KCNN2: variants seen among roughly 807,000 people sequenced by gnomAD.
KCNN2 encodes potassium calcium-activated channel subfamily N member 2.
Under a neutral mutation model 55.5 loss-of-function variants are expected in KCNN2, and 24 were observed. The ratio of observed to expected loss-of-function variants is 0.43; its 90% CI spans 0.31 to 0.61. The LOEUF (loss-of-function observed/expected upper bound fraction) is 0.61, where lower values mean the gene tolerates loss of function less well. Ranked by LOEUF, KCNN2 falls within the 20% of genes least tolerant of loss-of-function variation. KCNN2 has a pLI of 0.08. For synonymous variants in KCNN2, 431 were observed against 336.1 expected, an observed-to-expected ratio of 1.28 and a Z score of -3.09; for missense variants, 754 against 853.6, an observed-to-expected ratio of 0.88 and a Z score of 1.45.
chr5:114,397,602 G>A (rs1758658404), intron 2 of KCNN2, among the ~76,000 whole-genome samples: 2 of 152,136 alleles, frequency 1.3e-5, no homozygotes, highest in South Asian at 4.1e-4. Context: ...GGCCAGGCTG[G>A]TCTTGAACTC....
At chr5:114,457,069 C>T (rs1760957990) in intron 3 of KCNN2, among the ~76,000 whole-genome samples, 1 of 152,126 alleles carries the variant, frequency 6.6e-6, no homozygotes, top group Non-Finnish European at 1.5e-5. Context: ...GAAAGAAGTT[C>T]TATGGGTAAA....
At position 114,175,332 on chromosome 5, in the gene KCNN2, T is replaced by G. The variant is rs541852015; in HGVS notation, c.-270-46148T>G. Among the ~76,000 whole-genome samples the G allele has an allele frequency of 2.5e-3, 381 of 152,300 alleles. 3 individuals carry two copies. The highest frequency in any genetic ancestry group is 9.1e-3 in the African/African-American group (377 of 41,570). ...ATAACTATATATAAAGACTTTGAAT[T>G]TCTGCAACATTAAGTTGTGCTCTTT... On this transcript the variant is annotated intron_variant, in intron 1 of 10. Coordinates refer to the KCNN2 transcript ENST00000512097.
At chr5:114,459,799 C>T (rs774477843) in intron 3 of KCNN2, among the ~76,000 whole-genome samples, 11 of 152,180 alleles carry the variant, frequency 7.2e-5, no homozygotes, top group Non-Finnish European at 1.2e-4. Context: ...ATTTAAAGCT[C>T]TTCAATACAG....
intron 1 of KCNN2, among the ~76,000 whole-genome samples, chr5:114,126,351 C>T (rs1751929872): frequency 2.0e-5 from 3 of 152,056 alleles, no homozygotes; most frequent in Admixed American, 2.0e-4. Context: ...CTGGGGAGGC[C>T]TCAGGAAACT....
chr5:114,339,235 G>A lies in KCNN2; in HGVS notation c.-184-21710G>A, dbSNP rs367664554. Reference sequence around the variant, plus strand: ...GTTGTGGCCCTCTACTACCATGTTCGTGAAGGCTGAGGTCTTGTCCACACA... The same window carrying A: ...GTTGTGGCCCTCTACTACCATGTTCATGAAGGCTGAGGTCTTGTCCACACA... On this transcript the variant is annotated intron_variant, in intron 2 of 10. Transcript: ENST00000512097. Among the ~76,000 whole-genome samples the A allele has an allele frequency of 1.7e-4, 26 of 152,290 alleles. 1 individual carries two copies. Among genetic ancestry groups the A allele is most frequent in the Admixed American group, 9.1e-4 (14 of 15,302 alleles).
chr5:114,275,878 A>G (rs1580684280), intron 2 of KCNN2, among the ~76,000 whole-genome samples: 1 of 151,430 alleles, frequency 6.6e-6, no homozygotes, highest in African/African-American at 2.4e-5. Flanking sequence ...TAGCTTTTGA[A>G]TTTGTTTGCT....
intron 3 of KCNN2, among the ~76,000 whole-genome samples, chr5:114,423,863 A>C (rs188912589): frequency 6.6e-6 from 1 of 152,314 alleles, no homozygotes; most frequent in Non-Finnish European, 1.5e-5. Context: ...AAGGCCAAAA[A>C]GTGAGGCAGG....
At chr5:114,443,463 G>GAA in intron 3 of KCNN2, among the ~76,000 whole-genome samples, 1 of 152,182 alleles carries the variant, frequency 6.6e-6, no homozygotes, top group South Asian at 2.1e-4. Flanking sequence ...AAGAACTTTA[G>GAA]AATCATTAGG....
intron 2 of KCNN2, among the ~76,000 whole-genome samples, chr5:114,400,798 C>G (rs2150069078): frequency 6.6e-6 from 1 of 152,280 alleles, no homozygotes; most frequent in South Asian, 2.1e-4. Context: ...TGGCTTTTCT[C>G]TTAATCCAGA....
At chr5:114,296,522 C>G (rs149623919) in intron 2 of KCNN2, among the ~76,000 whole-genome samples, 363 of 152,242 alleles carry the variant, frequency 2.4e-3, no homozygotes, top group African/African-American at 8.4e-3. Context: ...GTAGAAATGG[C>G]CTTGGGTAAC....
At chr5:114,418,017 A>G (rs1288928798) in intron 3 of KCNN2, among the ~76,000 whole-genome samples, 1 of 152,168 alleles carries the variant, frequency 6.6e-6, no homozygotes, top group Non-Finnish European at 1.5e-5. Context: ...TTCTGCACAG[A>G]TGTGTACCTA....
intron 1 of KCNN2, among the ~76,000 whole-genome samples, chr5:114,123,342 A>G (rs1211470796): frequency 1.6e-5 from 2 of 121,642 alleles, no homozygotes; most frequent in African/African-American, 3.4e-5. Flanking sequence ...TAAGAGGTAC[A>G]TTTTCTTAAT....
intron 2 of KCNN2, among the ~76,000 whole-genome samples, chr5:114,329,970 A>T (rs376802722): frequency 6.6e-6 from 1 of 151,884 alleles, no homozygotes; most frequent in African/African-American, 2.4e-5. Context: ...CCCCCAGGAG[A>T]GCACCACCCT....
intron 2 of KCNN2, chr5:114,253,554 G>A (rs1293582822): frequency 1.9e-5 from 3 of 155,154 alleles, no homozygotes; most frequent in African/African-American, 7.2e-5. Context: ...TGAGTGCCAG[G>A]GTTGATTCAG....
intron 4 of KCNN2, among the ~76,000 whole-genome samples, chr5:114,466,140 C>CTAAT (rs1434558749): frequency 6.6e-6 from 1 of 151,818 alleles, no homozygotes; most frequent in African/African-American, 2.4e-5. Flanking sequence ...ATGAGATTGC[C>CTAAT]TAATAGAAGA....
chr5:114,352,881 T>C (rs572463201), intron 2 of KCNN2, among the ~76,000 whole-genome samples: 1 of 151,998 alleles, frequency 6.6e-6, no homozygotes, highest in Middle Eastern at 3.4e-3. Flanking sequence ...AGGAGAATGT[T>C]CTGTAAATGT....
intron 2 of KCNN2, among the ~76,000 whole-genome samples, chr5:114,281,940 A>G (rs1483658592): frequency 6.6e-6 from 1 of 151,686 alleles, no homozygotes; most frequent in Non-Finnish European, 1.5e-5. Context: ...CTGGAAAGTC[A>G]CCCATTACTT....
At chr5:114,079,357 T>G (rs1358342727) in intron 1 of KCNN2, among the ~76,000 whole-genome samples, 1 of 151,966 alleles carries the variant, frequency 6.6e-6, no homozygotes, top group Non-Finnish European at 1.5e-5. Flanking sequence ...ATGAAAAAAA[T>G]AGACATCAGT....
At chr5:114,271,725 A>G (rs1490574948) in intron 2 of KCNN2, among the ~76,000 whole-genome samples, 1 of 152,146 alleles carries the variant, frequency 6.6e-6, no homozygotes, top group Non-Finnish European at 1.5e-5. Context: ...TAGTGTTTAT[A>G]TGGTATATAA....
Sources: gnomAD v4.1 joint callset for allele counts (sites outside exome capture counted in the v4.1 genomes callset) on GRCh38, gnomAD v4.1.1 for gene constraint, MANE v1.5 for transcripts, NCBI Gene and HGNC (gene_info 2026-07-23, HGNC 2026-07-21) for gene names.